IFT70B: variants seen among roughly 807,000 people sequenced by gnomAD.
The protein encoded by IFT70B is intraflagellar transport 70B.
At chr2:177,550,922 C>G in the IFT70B span, 2 of 1,614,104 alleles carry the variant, frequency 1.2e-6, no homozygotes, top group South Asian at 2.2e-5. Context: ...GTTCTAGAAA[C>G]TGGACACATT....
chr2:177,550,997 G>C, the IFT70B span: 2 of 1,614,178 alleles, frequency 1.2e-6, no homozygotes, highest in Admixed American at 1.7e-5. Context: ...AGGACAGGAA[G>C]CATCTTTTGG....
the IFT70B span, chr2:177,550,956 A>T: frequency 6.2e-7 from 1 of 1,614,186 alleles, no homozygotes; most frequent in Non-Finnish European, 8.5e-7. Flanking sequence ...ATCACGAAGC[A>T]TGATTGTGTG....
the IFT70B span, chr2:177,551,578 G>T: frequency 6.2e-7 from 1 of 1,614,098 alleles, no homozygotes; most frequent in Non-Finnish European, 8.5e-7. Context: ...TCCTGTACTT[G>T]TATGGTAAGT....
At chr2:177,551,917 C>T in the IFT70B span, 2 of 1,614,212 alleles carry the variant, frequency 1.2e-6, no homozygotes, top group Non-Finnish European at 8.5e-7. Context: ...TCCAACTCTT[C>T]CTCTGCCCTG....
chr2:177,549,468 T>G, the IFT70B span: 1 of 152,192 alleles, frequency 6.6e-6, no homozygotes, highest in Admixed American at 6.5e-5. Flanking sequence ...AGGTTCCCTA[T>G]CATTCAGAAG....
At chr2:177,550,945 T>C in the IFT70B span, 1 of 1,614,086 alleles carries the variant, frequency 6.2e-7, no homozygotes, top group African/African-American at 1.3e-5. Flanking sequence ...TGAATAACAC[T>C]ATCACGAAGC....
At chr2:177,552,624 C>T in the IFT70B span, 4 of 1,591,068 alleles carry the variant, frequency 2.5e-6, no homozygotes, top group Non-Finnish European at 2.6e-6. Flanking sequence ...CAGCGACAGG[C>T]CGGCGCGGCT....
the IFT70B span, chr2:177,550,852 T>G: frequency 6.2e-7 from 1 of 1,614,014 alleles, no homozygotes; most frequent in East Asian, 2.2e-5. Context: ...ACATGCATTC[T>G]TTCTTCTTCC....
the IFT70B span, chr2:177,552,692 A>G: frequency 6.2e-7 from 1 of 1,600,080 alleles, no homozygotes; most frequent in Non-Finnish European, 8.5e-7. Context: ...CGTAGCGTGC[A>G]TTGCGGATGA....
At chr2:177,551,823 T>C in the IFT70B span, 267 of 1,614,124 alleles carry the variant, frequency 1.7e-4, no homozygotes, top group Non-Finnish European at 2.2e-4. Flanking sequence ...GGGATTCTGT[T>C]GGAGCAAAAA....
chr2:177,552,419 G>A, the IFT70B span: 4 of 1,613,498 alleles, frequency 2.5e-6, no homozygotes, highest in Non-Finnish European at 2.5e-6. Context: ...GCAGGCGGAG[G>A]ACCCGGCTGT....
At chr2:177,550,506 G>A in the IFT70B span, 1 of 312,016 alleles carries the variant, frequency 3.2e-6, no homozygotes, top group Non-Finnish European at 5.9e-6. Flanking sequence ...GATAACAGAG[G>A]AAAGGAAACA....
chr2:177,551,678 C>T, the IFT70B span: 18 of 1,614,016 alleles, frequency 1.1e-5, no homozygotes, highest in Middle Eastern at 3.3e-4. Context: ...TCACAGCGTC[C>T]AAGAAGTCAT....
At chr2:177,549,020 AAAAG>A in the IFT70B span, 1 of 152,220 alleles carries the variant, frequency 6.6e-6, no homozygotes, top group Non-Finnish European at 1.5e-5. Context: ...AGGAAAAAAA[AAAAG>A]AATTTTAATA....
the IFT70B span, chr2:177,552,233 A>C: frequency 6.2e-7 from 1 of 1,614,206 alleles, no homozygotes; most frequent in African/African-American, 1.3e-5. Context: ...GGGCGGCAAA[A>C]AACTTGGAGC....
the IFT70B span, chr2:177,551,140 G>A: frequency 1.2e-6 from 2 of 1,614,010 alleles, no homozygotes; most frequent in East Asian, 2.2e-5. Context: ...ATGCAGAGAT[G>A]GTACATTTTC....
the IFT70B span, chr2:177,552,641 G>A: frequency 6.3e-7 from 1 of 1,590,038 alleles, no homozygotes; most frequent in Non-Finnish European, 8.6e-7. Context: ...GGCTCCTAGG[G>A]CTCCGCTGCA....
At chr2:177,549,037 GC>G in the IFT70B span, 1 of 152,012 alleles carries the variant, frequency 6.6e-6, no homozygotes, top group Non-Finnish European at 1.5e-5. Flanking sequence ...TTTTAATATG[GC>G]CATTGAAAAC....
the IFT70B span, chr2:177,552,707 G>A: frequency 1.9e-6 from 3 of 1,595,768 alleles, no homozygotes; most frequent in Non-Finnish European, 1.7e-6. Flanking sequence ...GGATGAGGCG[G>A]TACACGACCG....
Sources: allele counts gnomAD v4.1 joint callset, GRCh38; gene constraint gnomAD v4.1.1; transcripts MANE v1.5; gene names NCBI Gene and HGNC (gene_info 2026-07-23, HGNC 2026-07-21).